The following SLC39A12 variants were observed in gnomAD, a reference collection of about 807,000 sequenced individuals.
SLC39A12 encodes solute carrier family 39 member 12.
A neutral mutation model predicts 71.1 loss-of-function variants in SLC39A12; 63 were observed. The ratio of observed to expected loss-of-function variants is 0.89; its 90% confidence interval spans 0.72 to 1.09. The LOEUF (loss-of-function observed/expected upper bound fraction) is 1.09, where lower values mean the gene tolerates loss of function less well. Among genes scored for constraint, SLC39A12 ranks in the 50% least tolerant of loss-of-function variants. The pLI is 0.00. For missense variants in SLC39A12, 892 were observed against 812.6 expected, an observed-to-expected ratio of 1.10 and a Z score of -1.19; for synonymous variants, 351 against 301.3, an observed-to-expected ratio of 1.16 and a Z score of -1.71.
At chr10:18,040,056 A>C (rs1053978395) in intron 12 of SLC39A12, among the ~76,000 whole-genome samples, 6 of 152,242 alleles carry the variant, frequency 3.9e-5, no homozygotes, top group Non-Finnish European at 7.3e-5. Context: ...TAGTTCAAAC[A>C]TTAAATATAT....
chr10:17,956,682 G>T (rs1398905265), intron 2 of SLC39A12, among the ~76,000 whole-genome samples: 1 of 152,108 alleles, frequency 6.6e-6, no homozygotes, highest in Non-Finnish European at 1.5e-5. Flanking sequence ...GATTTTAAAC[G>T]AAGTTCTCCA....
intron 7 of SLC39A12, among the ~76,000 whole-genome samples, chr10:17,988,645 G>A (rs1835465089): frequency 6.6e-6 from 1 of 152,172 alleles, no homozygotes; most frequent in South Asian, 2.1e-4. Flanking sequence ...CAGCTACCTT[G>A]CAGGTTGGAT....
chr10:17,967,559 C>T (rs1468457728), intron 4 of SLC39A12, among the ~76,000 whole-genome samples: 2 of 152,068 alleles, frequency 1.3e-5, no homozygotes, highest in African/African-American at 4.8e-5. Flanking sequence ...GCCATGCATC[C>T]TTCAAAACAG....
Position 17,977,906 on chromosome 10 carries a change from A to C in SLC39A12, c.756A>C (p.Leu252=). 1 of 1,584,864 alleles carries C rather than the reference A, an allele frequency of 6.3e-7. No homozygotes were observed. The highest frequency in any genetic ancestry group is 8.5e-7 in the Non-Finnish European group (1 of 1,170,372). The change falls in exon 5 of 13, where the codon CTA becomes CTC. Residue 252 remains leucine (L), a synonymous_variant. Coordinates refer to ENST00000377369, the MANE Select transcript of SLC39A12 (RefSeq NM_001145195.2). ...GATTTTATATGAAATTTCTAGAACT[A>C]GACCAACTCCTCAACACTCTCTGGA... The part of the protein sequence containing the change: ...NRTNTLRLSE[L]DQLLNTLWTR...
At chr10:18,005,262 A>G (rs1835978768) in intron 12 of SLC39A12, 1 of 152,122 alleles carries the variant, frequency 6.6e-6, no homozygotes, top group Non-Finnish European at 1.5e-5. Flanking sequence ...TTCTGAACCT[A>G]TCCCCCAACC....
chr10:17,966,742 G>T (rs1220089254), intron 4 of SLC39A12, among the ~76,000 whole-genome samples: 1 of 152,022 alleles, frequency 6.6e-6, no homozygotes, highest in African/African-American at 2.4e-5. Flanking sequence ...GGCTGAGGCG[G>T]GTGGATCACT....
chr10:18,003,048 A>C (rs1006391892), intron 11 of SLC39A12, 123 bp from the exon 12 acceptor site: 2 of 742,468 alleles, frequency 2.7e-6, no homozygotes, highest in Admixed American at 5.2e-5. Flanking sequence ...TTTACTGATC[A>C]CTCAACTCTA....
chr10:17,976,154 G>T (rs1266466277), intron 4 of SLC39A12, among the ~76,000 whole-genome samples: 2 of 152,152 alleles, frequency 1.3e-5, no homozygotes, highest in Admixed American at 6.5e-5. Flanking sequence ...CTGAATTTTA[G>T]TTTGTATGAA....
At position 18,042,797 on chromosome 10, in the gene SLC39A12, G is replaced by A. The variant is rs1837295655; in HGVS notation, c.2040G>A (p.Leu680=). The part of the protein sequence containing the change: ...FGLILGWLSL[L]LLAIYEQNIK... Reference sequence around the variant, plus strand: ...TGATCCTAGGTTGGCTTTCTCTCCTGCTCTTGGCTATATATGAGCAAAATA... The same window carrying A: ...TGATCCTAGGTTGGCTTTCTCTCCTACTCTTGGCTATATATGAGCAAAATA... The change falls in exon 13 of 13, where the codon CTG becomes CTA. Residue 680 remains leucine, a synonymous_variant. Transcript: ENST00000377369. The A allele has an allele frequency of 6.2e-7, 1 of 1,612,586 alleles. No homozygotes were observed. The highest frequency in any genetic ancestry group is 8.5e-7 in the Non-Finnish European group (1 of 1,179,428).
chr10:17,973,851 T>G (rs933410652), intron 4 of SLC39A12, among the ~76,000 whole-genome samples: 2 of 151,960 alleles, frequency 1.3e-5, no homozygotes, highest in Non-Finnish European at 2.9e-5. Context: ...CCATCTCCTC[T>G]TTGAGGCCAA....
intron 12 of SLC39A12, among the ~76,000 whole-genome samples, chr10:18,026,427 T>G (rs1022963206): frequency 1.3e-5 from 2 of 152,142 alleles, no homozygotes; most frequent in Non-Finnish European, 2.9e-5. Context: ...CTTCTCATCT[T>G]TGCTTCTTTA....
intron 12 of SLC39A12, among the ~76,000 whole-genome samples, chr10:18,033,011 T>C (rs1836894140): frequency 6.6e-6 from 1 of 151,556 alleles, no homozygotes; most frequent in South Asian, 2.1e-4. Flanking sequence ...GACTTGATCA[T>C]GGTGGATAAG....
At chr10:17,992,586 A>G (rs1178713133) in intron 8 of SLC39A12, among the ~76,000 whole-genome samples, 2 of 152,204 alleles carry the variant, frequency 1.3e-5, no homozygotes, top group Non-Finnish European at 2.9e-5. Flanking sequence ...CTTATACCCA[A>G]TGGATTAACA....
At chr10:18,035,648 C>A (rs1442089318) in intron 12 of SLC39A12, among the ~76,000 whole-genome samples, 1 of 152,204 alleles carries the variant, frequency 6.6e-6, no homozygotes, top group African/African-American at 2.4e-5. Context: ...TCTCTCAGCT[C>A]GTCAAAGTCA....
chr10:18,000,529 G>A (rs1442103525), intron 10 of SLC39A12, 138 bp from the exon 11 acceptor site: 20 of 802,366 alleles, frequency 2.5e-5, no homozygotes, highest in African/African-American at 5.2e-5. Flanking sequence ...TGACTTTTGC[G>A]GAAACAAAGT....
intron 12 of SLC39A12, among the ~76,000 whole-genome samples, chr10:18,040,998 T>C (rs982602897): frequency 1.6e-4 from 25 of 151,948 alleles, no homozygotes; most frequent in African/African-American, 5.8e-4. Context: ...CATCTTCTAA[T>C]GGACAGGAGA....
chr10:18,000,806 T>C lies in SLC39A12; in HGVS notation c.1740T>C (p.His580=). The stretch of plus-strand genomic sequence containing the variant: ...CCACTACGATTGCTATCTTGTGTCA[T>C]GAAATCCCACATGAAATGGGTAAGT... ...GVTTTIAILC[H]EIPHEMGDFA... is the part of the protein sequence containing the mutation. The change falls in exon 11 of 13, where the codon CAT becomes CAC. Residue 580 remains histidine, a synonymous_variant. Coordinates refer to ENST00000377369, the MANE Select transcript of SLC39A12 (RefSeq NM_001145195.2). 6.2e-7 allele frequency: 1 copy of C among 1,613,994 alleles called. No homozygotes were observed. Among genetic ancestry groups the C allele is most frequent in the Non-Finnish European group, 8.5e-7 (1 of 1,179,924 alleles).
chr10:17,963,136 G>A lies in SLC39A12; in HGVS notation c.543+1274G>A, dbSNP rs573644183. 1.1e-3 allele frequency among the ~76,000 whole-genome samples: 166 copies of A among 151,880 alleles called. 1 individual carries two copies. Among genetic ancestry groups the A allele is most frequent in the African/African-American group, 3.8e-3 (157 of 41,410 alleles). On this transcript the variant is annotated intron_variant, in intron 3 of 12. Transcript: ENST00000377369. ...TGACTGTGTCACTATACTCTACCCT[G>A]GGCAACAGAAAGAGACCCTATCTCT...
chr10:18,041,130 C>G (rs899522925), intron 12 of SLC39A12, among the ~76,000 whole-genome samples: 6 of 152,152 alleles, frequency 3.9e-5, no homozygotes, highest in African/African-American at 1.2e-4. Flanking sequence ...GGTATGCTTG[C>G]TCTGACCTTC....
Sources: allele counts gnomAD v4.1 joint callset (sites outside exome capture counted in the v4.1 genomes callset), GRCh38; gene constraint gnomAD v4.1.1; transcripts MANE v1.5; gene names NCBI Gene and HGNC (gene_info 2026-07-23, HGNC 2026-07-21).